SLC38A8: variants seen among roughly 807,000 people sequenced by gnomAD.
SLC38A8 encodes solute carrier family 38 member 8.
Under a neutral mutation model 46.0 loss-of-function variants are expected in SLC38A8, and 65 were observed. The observed-to-expected ratio is 1.41, with a 90% confidence interval of 1.16 to 1.74. The LOEUF (loss-of-function observed/expected upper bound fraction) is 1.74, where lower values mean the gene tolerates loss of function less well. Ranked by LOEUF, SLC38A8 falls within the 40% of genes most tolerant of loss-of-function variation. The probability of loss-of-function intolerance (pLI) is 0.00; values close to 1 mark genes in which losing one functional copy is unlikely to be tolerated. For missense variants in SLC38A8, 998 were observed against 567.9 expected, an observed-to-expected ratio of 1.76 and a Z score of -7.70; for synonymous variants, 447 against 243.7, an observed-to-expected ratio of 1.83 and a Z score of -7.77.
chr16:84,027,540 A>T (rs2151121656), intron 6 of SLC38A8, among the ~76,000 whole-genome samples: 1 of 152,282 alleles, frequency 6.6e-6, no homozygotes, highest in Admixed American at 6.5e-5. Context: ...GAGTCAGGTC[A>T]GAGTTCCTGA....
intron 6 of SLC38A8, among the ~76,000 whole-genome samples, chr16:84,025,476 C>G (rs2085151701): frequency 6.6e-6 from 1 of 152,092 alleles, no homozygotes; most frequent in Non-Finnish European, 1.5e-5. Context: ...CACGAGCGGG[C>G]TTTTCGGTTT....
At chr16:84,014,564 A>C (rs1597249565) in intron 9 of SLC38A8, among the ~76,000 whole-genome samples, 1 of 148,726 alleles carries the variant, frequency 6.7e-6, no homozygotes, top group Non-Finnish European at 1.5e-5. Flanking sequence ...TAAAAGTTCC[A>C]CCCAGAACCT....
At chr16:84,028,999 C>G (rs770993655) in intron 6 of SLC38A8, among the ~76,000 whole-genome samples, 1 of 152,156 alleles carries the variant, frequency 6.6e-6, no homozygotes, top group Non-Finnish European at 1.5e-5. Context: ...CCCCTTTCCC[C>G]TCTCCAATCA....
intron 7 of SLC38A8, among the ~76,000 whole-genome samples, chr16:84,022,418 C>T (rs893635265): frequency 6.6e-6 from 1 of 152,206 alleles, no homozygotes; most frequent in Non-Finnish European, 1.5e-5. Flanking sequence ...GTAAACCCTA[C>T]CCAGATGTTA....
intron 9 of SLC38A8, among the ~76,000 whole-genome samples, chr16:84,013,435 T>TTTTTTTTTTTTTTTTTTTTGTTG (rs2084981057): frequency 7.7e-6 from 1 of 130,696 alleles, no homozygotes; most frequent in Non-Finnish European, 1.6e-5. Flanking sequence ...TTTTTTTTTT[T>TTTTTTTTTTTTTTTTTTTTGTTG]TTTTTTTTTT....
At chr16:84,013,135 C>T in intron 9 of SLC38A8, 83 bp from the exon 10 acceptor site, 3 of 1,537,028 alleles carry the variant, frequency 2.0e-6, no homozygotes, top group East Asian at 2.3e-5. Context: ...TCCTCAGGGA[C>T]CCAGGAGGCC....
chr16:84,020,714 C>A (rs2085085531), intron 7 of SLC38A8, among the ~76,000 whole-genome samples: 1 of 152,170 alleles, frequency 6.6e-6, no homozygotes, highest in Admixed American at 6.5e-5. Flanking sequence ...AACCATCCTG[C>A]CCTTGAGGCC....
At chr16:84,017,095 C>T (rs1597252946) in intron 8 of SLC38A8, 45 bp downstream of exon 8, 2 of 1,609,384 alleles carry the variant, frequency 1.2e-6, no homozygotes, top group African/African-American at 1.3e-5. Flanking sequence ...CAGCACACAT[C>T]AGCAGACCAT....
chr16:84,010,958 C>T (rs897140513), intron 10 of SLC38A8, among the ~76,000 whole-genome samples: 2 of 152,066 alleles, frequency 1.3e-5, no homozygotes, highest in African/African-American at 2.4e-5. Context: ...TTGTGAGCTT[C>T]GTCATGTAAC....
At chr16:84,022,998 T>C (rs572617291) in intron 6 of SLC38A8, 109 bp from the exon 7 acceptor site, 5 of 710,544 alleles carry the variant, frequency 7.0e-6, no homozygotes, top group African/African-American at 5.4e-5. Flanking sequence ...ATGAGGTTTC[T>C]CTTGAAATAG....
Position 84,042,071 on chromosome 16 carries a change from A to AGC in SLC38A8, c.85_86dup (p.Val30LeufsTer6). ...GCGCGGACTTCATGAGGATGAAGACAGCGCCCATCGAGGACAGAGTGGCAG... is the reference window on the plus strand; with the variant it reads ...GCGCGGACTTCATGAGGATGAAGACAGCGCGCCCATCGAGGACAGAGTGGCAG... On this transcript the variant is annotated frameshift_variant, in exon 2 of 11. Transcript: ENST00000299709. LOFTEE classifies it high-confidence loss of function. 1 of 1,614,060 alleles carries AGC rather than the reference A, an allele frequency of 6.2e-7. No homozygotes were observed. The highest frequency in any genetic ancestry group is 8.5e-7 in the Non-Finnish European group (1 of 1,179,992).
At chr16:84,035,687 G>T (rs141333426) in intron 3 of SLC38A8, among the ~76,000 whole-genome samples, 1 of 151,964 alleles carries the variant, frequency 6.6e-6, no homozygotes, top group African/African-American at 2.4e-5. Flanking sequence ...CTAGTCTTAA[G>T]GATGCTAGAG....
intron 6 of SLC38A8, among the ~76,000 whole-genome samples, chr16:84,023,900 A>G (rs2151118892): frequency 1.3e-5 from 2 of 152,300 alleles, no homozygotes; most frequent in East Asian, 3.9e-4. Flanking sequence ...TCTCAAAAGA[A>G]AAACAAGCCG....
chr16:84,037,771 A>G (rs77038710), intron 2 of SLC38A8, among the ~76,000 whole-genome samples: 23 of 142,578 alleles, frequency 1.6e-4, no homozygotes, highest in South Asian at 2.1e-4. Flanking sequence ...AAAAAAAAAA[A>G]AGAGAAAAGA....
rs182026629 is a variant in SLC38A8, at chr16:84,029,059, G to A, written c.690+435C>T. 1.2e-3 allele frequency among the ~76,000 whole-genome samples: 183 copies of A among 152,262 alleles called. 2 individuals carry two copies. Among genetic ancestry groups the A allele is most frequent in the African/African-American group, 4.1e-3 (172 of 41,554 alleles). On this transcript the variant is annotated intron_variant, in intron 6 of 10. Transcript: ENST00000299709. ...TCTACCCTGTACCCCTCAGGAGGCA[G>A]GATCTTTCCTGCCCAAGGCCCTGGG... is the stretch of plus-strand genomic sequence containing the variant.
intron 2 of SLC38A8, among the ~76,000 whole-genome samples, chr16:84,038,144 C>G: frequency 6.6e-6 from 1 of 152,016 alleles, no homozygotes; most frequent in East Asian, 1.9e-4. Flanking sequence ...AACCCCATCT[C>G]TACTAAAAAC....
intron 10 of SLC38A8, among the ~76,000 whole-genome samples, chr16:84,011,730 G>T (rs1033515712): frequency 8.5e-5 from 13 of 152,118 alleles, no homozygotes. Context: ...CCTTATAAAA[G>T]AAAGGCAGCC....
At chr16:84,021,048 C>G (rs951667319) in intron 7 of SLC38A8, among the ~76,000 whole-genome samples, 3 of 152,084 alleles carry the variant, frequency 2.0e-5, no homozygotes, top group African/African-American at 7.2e-5. Context: ...GCCAGATACC[C>G]TAGTTCATCC....
At chr16:84,017,541 G>T (rs191998542) in intron 7 of SLC38A8, among the ~76,000 whole-genome samples, 12 of 152,310 alleles carry the variant, frequency 7.9e-5, no homozygotes, top group Admixed American at 7.8e-4. Context: ...GGTGCACGGA[G>T]CTCACCCACA....
Sources: allele counts gnomAD v4.1 joint callset (sites outside exome capture counted in the v4.1 genomes callset), GRCh38; gene constraint gnomAD v4.1.1; transcripts MANE v1.5; gene names NCBI Gene and HGNC (gene_info 2026-07-23, HGNC 2026-07-21).